Variants in CLGN observed in about 807,000 individuals in gnomAD.
CLGN encodes the protein testis tissue sperm-binding protein Li 79P.
Under a neutral mutation model 79.1 loss-of-function variants are expected in CLGN, and 62 were observed. The ratio of observed to expected loss-of-function variants is 0.78; its 90% confidence interval spans 0.64 to 0.97. The LOEUF (loss-of-function observed/expected upper bound fraction) is 0.97. Ranked by LOEUF, CLGN falls within the 50% of genes least tolerant of loss-of-function variation. The pLI, the probability that CLGN is intolerant of heterozygous loss-of-function variation, is 0.00. For synonymous variants in CLGN, 225 were observed against 224.7 expected (o/e 1.00, Z -0.01); for missense variants, 647 against 715.5 (o/e 0.90, Z 1.09).
intron 11 of CLGN, 52 bp from the exon 12 acceptor site, chr4:140,392,763 T>C (rs754149390): frequency 1.3e-6 from 2 of 1,498,200 alleles, no homozygotes; most frequent in East Asian, 2.4e-5. Flanking sequence ...AAACCTTTAC[T>C]GGGTAACACA....
At chr4:140,396,891 G>GTATATATATATACA (rs1728894319) in intron 8 of CLGN, among the ~76,000 whole-genome samples, 1 of 53,664 alleles carries the variant, frequency 1.9e-5, no homozygotes, top group Non-Finnish European at 4.0e-5. Context: ...ATATATATAT[G>GTATATATATATACA]TATATATATA....
At chr4:140,407,161 C>T (rs1304347887) in intron 4 of CLGN, among the ~76,000 whole-genome samples, 1 of 151,806 alleles carries the variant, frequency 6.6e-6, no homozygotes, top group East Asian at 1.9e-4. Flanking sequence ...TTTCTTTCTC[C>T]CCCTGATTTG....
At position 140,390,799 on chromosome 4, in the gene CLGN, C is replaced by T. The variant is rs1728758823; in HGVS notation, c.1652-71G>A. ...TTTTGCTACTGAAAAGTATTAAATA[C>T]AATAAATGGGATTTATTTAAATTCC... is the stretch of plus-strand genomic sequence containing the variant. On this transcript the variant is annotated intron_variant, in intron 13 of 14. Coordinates refer to ENST00000325617, the MANE Select transcript of CLGN (RefSeq NM_004362.3). The T allele has an allele frequency of 3.3e-6, 3 of 919,454 alleles. No homozygotes were observed. The East Asian group carries it at 8.5e-5, about 26-fold the overall frequency. 57.0% of individuals were successfully genotyped at this position (919,454 alleles called of 1,614,324 possible). A position where few individuals can be genotyped will look rare whatever the true frequency, so the allele number is the denominator to read the frequency against.
chr4:140,419,181 T>A (rs547325388), intron 1 of CLGN, among the ~76,000 whole-genome samples: 1 of 151,682 alleles, frequency 6.6e-6, no homozygotes, highest in African/African-American at 2.4e-5. Context: ...GGAAGGGGAA[T>A]ATCACACTCT....
intron 8 of CLGN, among the ~76,000 whole-genome samples, chr4:140,398,449 A>C (rs535704532): frequency 6.6e-6 from 1 of 151,732 alleles, no homozygotes; most frequent in Non-Finnish European, 1.5e-5. Context: ...TTGTGTTTTT[A>C]GTAGAGACGG....
intron 8 of CLGN, among the ~76,000 whole-genome samples, chr4:140,398,092 G>A (rs1728928044): frequency 6.6e-6 from 1 of 152,052 alleles, no homozygotes; most frequent in African/African-American, 2.4e-5. Context: ...GTATAGATTT[G>A]TGCTTGCCTG....
Position 140,389,167 on chromosome 4 carries a change from G to T in CLGN, c.*57C>A. ...ACTGATTAAAGTTCAGGTCTGGCAT[G>T]CTGATTTTTACAATGCCAAACATCC... On this transcript the variant is annotated 3_prime_UTR_variant, in exon 15 of 15. Coordinates refer to ENST00000325617, the MANE Select transcript of CLGN (RefSeq NM_004362.3). The T allele has an allele frequency of 7.3e-7, 1 of 1,363,818 alleles. No individual in the cohort carries two copies. Among genetic ancestry groups the T allele is most frequent in the Non-Finnish European group, 1.0e-6 (1 of 954,592 alleles). The allele number at this position is 1,363,818 out of a possible 1,614,324, so 84.5% of individuals were successfully genotyped here. A position where few individuals can be genotyped will look rare whatever the true frequency, so the allele number is the denominator to read the frequency against.
chr4:140,413,177 A>G (rs1729247071), intron 1 of CLGN, 90 bp from the exon 2 acceptor site: 1 of 946,218 alleles, frequency 1.1e-6, no homozygotes, highest in Admixed American at 2.7e-5. Flanking sequence ...TCTCCATAAT[A>G]GCTCCTTTAT....
At chr4:140,390,008 A>G (rs358327) in intron 14 of CLGN, among the ~76,000 whole-genome samples, 126,351 of 151,432 alleles carry the variant, frequency 0.83, 52,793 homozygotes, top group Non-Finnish European at 0.85. Context: ...TTTATGCTGG[A>G]TTAAAAACAA....
At chr4:140,414,681 C>T (rs1578605756) in intron 1 of CLGN, among the ~76,000 whole-genome samples, 1 of 145,176 alleles carries the variant, frequency 6.9e-6, no homozygotes, top group Admixed American at 6.8e-5. Flanking sequence ...GCAAAGCCTC[C>T]AAGAAATATG....
At chr4:140,399,251 C>T (rs1439562132) in intron 7 of CLGN, among the ~76,000 whole-genome samples, 1 of 152,050 alleles carries the variant, frequency 6.6e-6, no homozygotes, top group African/African-American at 2.4e-5. Flanking sequence ...GCATTTTTTA[C>T]AATAAAATGC....
At chr4:140,416,429 G>A (rs1729332840) in intron 1 of CLGN, among the ~76,000 whole-genome samples, 1 of 149,128 alleles carries the variant, frequency 6.7e-6, no homozygotes, top group Non-Finnish European at 1.5e-5. Context: ...TTTTTGAAAG[G>A]ATCAACAAAA....
chr4:140,390,598 A>G lies in CLGN; in HGVS notation c.1752+30T>C, dbSNP rs777593558. The G allele has an allele frequency of 2.0e-6, 3 of 1,489,382 alleles. No homozygotes were observed. In the South Asian group the frequency reaches 3.9e-5, roughly 19 times the overall value. The allele number at this position is 1,489,382 out of a possible 1,614,324, so 92.3% of individuals were successfully genotyped here. On this transcript the variant is annotated intron_variant, in intron 14 of 14. Transcript: ENST00000325617. ...AAAAAACTTTTTATGGATAACAACT[A>G]TACATAGAAACCAGCTTATTTTCTG...
At chr4:140,398,676 A>T (rs1441407021) in intron 8 of CLGN, among the ~76,000 whole-genome samples, 175 bp downstream of exon 8, 1 of 152,206 alleles carries the variant, frequency 6.6e-6, no homozygotes, top group Admixed American at 6.5e-5. Flanking sequence ...AATAAAAAAA[A>T]ATTACAGGGA....
chr4:140,396,892 T>TAC (rs70943488), intron 8 of CLGN, among the ~76,000 whole-genome samples: 7 of 25,634 alleles, frequency 2.7e-4, no homozygotes, highest in African/African-American at 7.6e-4. Context: ...TATATATATG[T>TAC]ATATATATAT....
intron 5 of CLGN, among the ~76,000 whole-genome samples, chr4:140,405,140 T>C (rs1729075525): frequency 6.7e-6 from 1 of 150,254 alleles, no homozygotes; most frequent in African/African-American, 2.5e-5. Flanking sequence ...CTGAATATAT[T>C]GTTTAATATT....
chr4:140,413,394 A>G (rs985152892), intron 1 of CLGN, among the ~76,000 whole-genome samples: 3 of 152,186 alleles, frequency 2.0e-5, no homozygotes, highest in Non-Finnish European at 4.4e-5. Flanking sequence ...TACAGCTCCC[A>G]GTGTGAGCGA....
intron 1 of CLGN, among the ~76,000 whole-genome samples, chr4:140,422,060 T>C (rs1333828230): frequency 2.0e-5 from 3 of 152,198 alleles, no homozygotes; most frequent in Non-Finnish European, 2.9e-5. Context: ...AAAATGGTCT[T>C]GGCACTTTTA....
chr4:140,397,411 A>T (rs1394546780), intron 8 of CLGN, among the ~76,000 whole-genome samples: 1 of 152,036 alleles, frequency 6.6e-6, no homozygotes, highest in African/African-American at 2.4e-5. Flanking sequence ...TATGATTGAA[A>T]ATAATTTTTC....
Sources: allele counts gnomAD v4.1 joint callset (sites outside exome capture counted in the v4.1 genomes callset), GRCh38; gene constraint gnomAD v4.1.1; transcripts MANE v1.5; gene names NCBI Gene and HGNC (gene_info 2026-07-23, HGNC 2026-07-21).